Variants in STK32A observed in about 807,000 individuals in gnomAD.
The protein encoded by STK32A is serine/threonine-protein kinase 32A.
Under a neutral mutation model 53.2 loss-of-function variants are expected in STK32A, and 41 were observed. The observed-to-expected ratio is 0.77, with a 90% CI of 0.60 to 1.00. STK32A has a LOEUF of 1.00. STK32A is among the 50% of genes least tolerant of loss of function. STK32A has a pLI of 0.00. For synonymous variants in STK32A, 166 were observed against 162.8 expected (o/e 1.02, Z -0.15); for missense variants, 458 against 485.8 (o/e 0.94, Z 0.54).
chr5:147,342,819 T>C (rs1581117653), intron 5 of STK32A, 187 bp from the exon 6 acceptor site: 2 of 570,812 alleles, frequency 3.5e-6, no homozygotes, highest in Non-Finnish European at 6.2e-6. Context: ...AGCTTCAGTT[T>C]TCTGATTTAA....
rs751617267 is a variant in STK32A at position 147,383,855 on chromosome 5, GA to G, written c.1098-33del. 6 of 1,401,384 alleles carry G rather than the reference GA, an allele frequency of 4.3e-6. No individual in the cohort carries two copies. In the South Asian group the frequency reaches 7.9e-5, roughly 18 times the overall value. The allele number at this position is 1,401,384 out of a possible 1,614,324, so 86.8% of individuals were successfully genotyped here. The stretch of plus-strand genomic sequence containing the variant: ...TAAACCTTTCATTTTATTTTTCAAA[GA>G]ATAAAACATCTTTTTTTTTCTTTTC... On this transcript the variant is annotated intron_variant, in intron 12 of 12. Transcript: ENST00000397936.
intron 1 of STK32A, among the ~76,000 whole-genome samples, chr5:147,239,158 T>A (rs1753456358): frequency 6.6e-6 from 1 of 152,202 alleles, no homozygotes; most frequent in South Asian, 2.1e-4. Flanking sequence ...AGCTAGTGCA[T>A]CTTTATGACT....
At chr5:147,396,757 T>C in the STK32A span, among the ~76,000 whole-genome samples, 718 of 152,126 alleles carry the variant, frequency 4.7e-3, 3 homozygotes, top group African/African-American at 0.017. Context: ...AGTCTCCTTC[T>C]CTATTAGGCC....
intron 8 of STK32A, among the ~76,000 whole-genome samples, chr5:147,363,129 G>A (rs1404133986): frequency 6.6e-6 from 1 of 151,888 alleles, no homozygotes; most frequent in East Asian, 1.9e-4. Context: ...AAACAAGCAA[G>A]TTATGTGCTT....
intron 5 of STK32A, 35 bp from the exon 6 acceptor site, chr5:147,342,971 G>T (rs1389918742): frequency 6.2e-7 from 1 of 1,611,082 alleles, no homozygotes; most frequent in African/African-American, 1.3e-5. Flanking sequence ...TCGTTTTATT[G>T]TGAGCAACTT....
intron 5 of STK32A, among the ~76,000 whole-genome samples, chr5:147,333,174 T>C (rs1309831512): frequency 1.3e-5 from 2 of 152,192 alleles, no homozygotes; most frequent in Non-Finnish European, 2.9e-5. Flanking sequence ...GAATAGAGCT[T>C]TGAAATATAA....
At chr5:147,260,194 TCTCTCTC>T (rs1431942623) in intron 2 of STK32A, among the ~76,000 whole-genome samples, 22 of 60,976 alleles carry the variant, frequency 3.6e-4, no homozygotes, top group Admixed American at 5.4e-4. Flanking sequence ...CTCTCTCCTC[TCTCTCTC>T]CTCTCTCTCT....
At chr5:147,257,622 TCGG>T (rs1754293451) in intron 2 of STK32A, among the ~76,000 whole-genome samples, 1 of 152,070 alleles carries the variant, frequency 6.6e-6, no homozygotes, top group Non-Finnish European at 1.5e-5. Context: ...CTTTCTTGAC[TCGG>T]GTGTGATGAG....
At chr5:147,326,220 A>T (rs1199072286) in intron 5 of STK32A, among the ~76,000 whole-genome samples, 1 of 152,144 alleles carries the variant, frequency 6.6e-6, no homozygotes, top group Non-Finnish European at 1.5e-5. Context: ...TTGCCACTTA[A>T]ATCATAAACC....
chr5:147,323,702 G>T (rs1419362953), intron 4 of STK32A, among the ~76,000 whole-genome samples, 196 bp from the exon 5 acceptor site: 1 of 152,098 alleles, frequency 6.6e-6, no homozygotes, highest in Non-Finnish European at 1.5e-5. Flanking sequence ...ATGATCAAAT[G>T]TGGTTATTAT....
At chr5:147,366,349 A>G (rs915305905) in intron 8 of STK32A, among the ~76,000 whole-genome samples, 3 of 152,228 alleles carry the variant, frequency 2.0e-5, no homozygotes, top group Non-Finnish European at 4.4e-5. Flanking sequence ...TCACTAAATG[A>G]AGTTTTAATA....
intron 2 of STK32A, among the ~76,000 whole-genome samples, chr5:147,260,087 CTCTGTCTCTG>C (rs1561674719): frequency 7.5e-6 from 1 of 133,258 alleles, no homozygotes; most frequent in Non-Finnish European, 1.6e-5. Context: ...TCTCGCTCTC[CTCTGTCTCTG>C]TCTCTGTCTC....
chr5:147,318,623 AG>A (rs1444195323), intron 4 of STK32A, among the ~76,000 whole-genome samples: 1 of 151,458 alleles, frequency 6.6e-6, no homozygotes, highest in Non-Finnish European at 1.5e-5. Flanking sequence ...AAAAAAAAAA[AG>A]AAAAAGTTTG....
chr5:147,310,560 A>T (rs1013216208), intron 4 of STK32A, among the ~76,000 whole-genome samples: 3 of 152,152 alleles, frequency 2.0e-5, no homozygotes, highest in African/African-American at 7.2e-5. Flanking sequence ...CTGAATCACA[A>T]GTGGCCATTT....
chr5:147,351,584 C>T (rs948760462), intron 7 of STK32A, among the ~76,000 whole-genome samples: 11 of 151,920 alleles, frequency 7.2e-5, no homozygotes, highest in African/African-American at 2.4e-4. Flanking sequence ...CATGGTGGCT[C>T]ACGCCTGTAA....
rs17106545 is a variant in STK32A at position 147,359,647 on chromosome 5, T to C, written c.563-1870T>C. Among the ~76,000 whole-genome samples the C allele has an allele frequency of 8.0e-3, 1,212 of 152,248 alleles. 15 individuals carry two copies. The highest frequency in any genetic ancestry group is 0.027 in the African/African-American group (1,118 of 41,550). On this transcript the variant is annotated intron_variant, in intron 7 of 12. Transcript: ENST00000397936. Reference sequence around the variant, plus strand: ...CTATCTGATATGACTTGTTGTGAGATACTGAGAAGGGAGAGCAGAAATATA... The same window carrying C: ...CTATCTGATATGACTTGTTGTGAGACACTGAGAAGGGAGAGCAGAAATATA...
chr5:147,334,336 G>C lies in STK32A; in HGVS notation c.435-8670G>C, dbSNP rs542339409. Reference sequence around the variant, plus strand: ...TTGCTGCCTATTGGAGTTTTACTACGTGTACAGTCAGGCAGGGCTTCCATT... The same window carrying C: ...TTGCTGCCTATTGGAGTTTTACTACCTGTACAGTCAGGCAGGGCTTCCATT... On this transcript the variant is annotated intron_variant, in intron 5 of 12. Coordinates refer to ENST00000397936, the MANE Select transcript of STK32A (RefSeq NM_001112724.2). 2.0e-5 allele frequency among the ~76,000 whole-genome samples: 3 copies of C among 152,282 alleles called. No individual in the cohort carries two copies. The South Asian group carries it at 6.2e-4, about 32-fold the overall frequency.
chr5:147,397,591 G>A, the STK32A span: 65 of 1,491,830 alleles, frequency 4.4e-5, no homozygotes, highest in East Asian at 1.4e-3. Context: ...AGTGCCCTGT[G>A]TTCATGGTTA....
intron 2 of STK32A, among the ~76,000 whole-genome samples, chr5:147,267,281 T>C (rs1754852997): frequency 6.6e-6 from 1 of 152,128 alleles, no homozygotes; most frequent in African/African-American, 2.4e-5. Flanking sequence ...ATAATTAAAG[T>C]TCATAGCTAG....
Sources: gnomAD v4.1 joint callset for allele counts (sites outside exome capture counted in the v4.1 genomes callset) on GRCh38, gnomAD v4.1.1 for gene constraint, MANE v1.5 for transcripts, NCBI Gene and HGNC (gene_info 2026-07-23, HGNC 2026-07-21) for gene names.